RANBP17: variants seen among roughly 807,000 people sequenced by gnomAD.
The protein encoded by RANBP17 is RAN binding protein 17, also known as ran-binding protein 17.
In RANBP17, 158 loss-of-function variants were observed where a neutral mutation model predicts 141.2. The observed-to-expected ratio is 1.12, with a 90% CI of 0.98 to 1.28. RANBP17 has a LOEUF of 1.28. Among genes scored for constraint, RANBP17 ranks in the 50% most tolerant of loss-of-function variants. RANBP17 has a pLI of 0.00. For missense variants in RANBP17, 1,438 were observed against 1,290.7 expected, an observed-to-expected ratio of 1.11 and a Z score of -1.75; for synonymous variants, 430 against 450.0, an observed-to-expected ratio of 0.96 and a Z score of 0.56.
intron 12 of RANBP17, among the ~76,000 whole-genome samples, chr5:170,941,941 C>G (rs1391276011): frequency 6.6e-6 from 1 of 152,160 alleles, no homozygotes; most frequent in Non-Finnish European, 1.5e-5. Flanking sequence ...GGTCCCCAAA[C>G]CCCAGGCCAT....
At chr5:171,105,292 G>T (rs940951066) in intron 14 of RANBP17, among the ~76,000 whole-genome samples, 3 of 140,210 alleles carry the variant, frequency 2.1e-5, no homozygotes, top group Admixed American at 1.5e-4. Context: ...TGAGGCAGGA[G>T]AATGGCGTGA....
chr5:170,907,316 A>G (rs1034167212), intron 5 of RANBP17, among the ~76,000 whole-genome samples: 2 of 27,632 alleles, frequency 7.2e-5, no homozygotes, highest in Non-Finnish European at 3.0e-4. Context: ...CCTTCGTCTC[A>G]AAATATTGGA....
Position 171,170,203 on chromosome 5 carries a change from T to C in RANBP17, c.1784T>C (p.Ile595Thr). The C allele has an allele frequency of 6.5e-7, 1 of 1,538,968 alleles. No individual in the cohort carries two copies. Among genetic ancestry groups the C allele is most frequent in the Non-Finnish European group, 8.8e-7 (1 of 1,132,954 alleles). Residue 595 changes from isoleucine (I) to threonine (T), a missense_variant and splice_region_variant, in exon 15 of 28, where the codon ATT (isoleucine) becomes ACT (threonine). Physicochemically the swap from Ile to Thr is moderately conservative, Grantham distance 89 (BLOSUM62 -1). Transcript: ENST00000523189. ...GTTCTAGAGACGTTCATGACAAAAA[T>C]GTGAGTTCTTGTTTTGGTCTTTAAT... ...NHVLETFMTKIVTNLKYWGRY... is the reference protein window; with the variant it reads ...NHVLETFMTKTVTNLKYWGRY...
At chr5:170,873,500 A>G (rs909527944) in intron 1 of RANBP17, among the ~76,000 whole-genome samples, 8 of 151,988 alleles carry the variant, frequency 5.3e-5, no homozygotes, top group African/African-American at 1.9e-4. Context: ...TTGGTAGGCT[A>G]TTTTTTTACT....
At chr5:170,886,756 C>T (rs2127371576) in intron 3 of RANBP17, among the ~76,000 whole-genome samples, 1 of 146,998 alleles carries the variant, frequency 6.8e-6, no homozygotes, top group African/African-American at 2.5e-5. Flanking sequence ...CTCCCGGGCT[C>T]AAGTAGTGAT....
intron 14 of RANBP17, among the ~76,000 whole-genome samples, chr5:171,001,546 T>C (rs1779202224): frequency 6.6e-6 from 1 of 152,146 alleles, no homozygotes; most frequent in African/African-American, 2.4e-5. Context: ...ATGCAGGAGC[T>C]TAAATGGGCT....
At chr5:171,295,318 C>T (rs941630764) in intron 26 of RANBP17, among the ~76,000 whole-genome samples, 7 of 152,116 alleles carry the variant, frequency 4.6e-5, no homozygotes, top group African/African-American at 1.7e-4. Flanking sequence ...CTTAGTGCCA[C>T]AAAGCTCTCC....
At chr5:171,122,310 G>A (rs1756098518) in intron 14 of RANBP17, among the ~76,000 whole-genome samples, 1 of 152,104 alleles carries the variant, frequency 6.6e-6, no homozygotes, top group East Asian at 1.9e-4. Context: ...CGAGCATCAG[G>A]TGTCTCTAGT....
chr5:171,274,141 TGTGTGTGTGC>T (rs972519040), intron 25 of RANBP17, among the ~76,000 whole-genome samples: 66 of 130,764 alleles, frequency 5.0e-4, no homozygotes, highest in African/African-American at 1.4e-3. Flanking sequence ...TGTGTGTGTG[TGTGTGTGTGC>T]GCGCGCGCGC....
At chr5:171,265,629 T>C in intron 24 of RANBP17, 52 bp from the exon 25 acceptor site, 1 of 1,436,204 alleles carries the variant, frequency 7.0e-7, no homozygotes, top group Non-Finnish European at 9.4e-7. Flanking sequence ...GAAAATCAAA[T>C]GGAGCAAAAA....
intron 12 of RANBP17, among the ~76,000 whole-genome samples, chr5:170,949,051 A>G (rs1774997761): frequency 6.6e-6 from 1 of 152,084 alleles, no homozygotes; most frequent in Non-Finnish European, 1.5e-5. Flanking sequence ...GCTGTTCGGG[A>G]GGATCACTTT....
chr5:170,931,884 A>G (rs929626370), intron 12 of RANBP17, among the ~76,000 whole-genome samples: 13 of 152,202 alleles, frequency 8.5e-5, no homozygotes, highest in Non-Finnish European at 1.8e-4. Flanking sequence ...TGTCTTGGCA[A>G]TGCGGGCTCT....
intron 14 of RANBP17, among the ~76,000 whole-genome samples, chr5:171,053,518 T>A (rs1783105567): frequency 6.6e-6 from 1 of 152,174 alleles, no homozygotes. Context: ...TCCTTTTGGA[T>A]TGTTGATTGC....
At chr5:171,193,142 C>T (rs12513772) in intron 18 of RANBP17, among the ~76,000 whole-genome samples, 225 of 152,276 alleles carry the variant, frequency 1.5e-3, no homozygotes, top group Non-Finnish European at 2.7e-3. Flanking sequence ...TTTATCTCTC[C>T]TCTTAATTTT....
At chr5:171,084,245 AATG>A (rs1785474035) in intron 14 of RANBP17, among the ~76,000 whole-genome samples, 1 of 149,772 alleles carries the variant, frequency 6.7e-6, no homozygotes, top group Admixed American at 6.7e-5. Context: ...GTTTACTGAG[AATG>A]ATGATTTCCA....
chr5:171,057,040 T>C (rs899042139), intron 14 of RANBP17, among the ~76,000 whole-genome samples: 1 of 152,134 alleles, frequency 6.6e-6, no homozygotes, highest in Non-Finnish European at 1.5e-5. Context: ...CAAAACCCTA[T>C]AGACAAATCC....
chr5:170,995,621 T>C (rs1778768853), intron 14 of RANBP17, among the ~76,000 whole-genome samples: 1 of 152,136 alleles, frequency 6.6e-6, no homozygotes, highest in Non-Finnish European at 1.5e-5. Flanking sequence ...TGTACAGCCA[T>C]ATGATGAAAT....
chr5:171,021,559 C>G (rs10080139), intron 14 of RANBP17, among the ~76,000 whole-genome samples: 101,957 of 152,020 alleles, frequency 0.67, 34,456 homozygotes, highest in South Asian at 0.89. Flanking sequence ...CCACCTGATC[C>G]ATTCAGCTAT....
Position 171,295,889 on chromosome 5 carries a change from T to A in RANBP17, c.3045T>A (p.Tyr1015Ter), listed in dbSNP as rs749449634. The A allele has an allele frequency of 2.5e-6, 4 of 1,612,882 alleles. No homozygotes were observed. In the South Asian group the frequency reaches 4.4e-5, roughly 18 times the overall value. ...LLGLILLNEK[Y>*]FSELRASLIN... ...GACACTATTCTGTCTCCCATCAGTA[T>A]TTCAGTGAACTGAGAGCAAGTTTGA... The change falls in exon 27 of 28, where the codon TAT (tyrosine) becomes TAA (stop). Residue 1015 changes from tyrosine to a stop codon, truncating the protein, a stop_gained and splice_region_variant. Transcript: ENST00000523189. LOFTEE classifies it high-confidence loss of function.
Sources: gnomAD v4.1 joint callset for allele counts (sites outside exome capture counted in the v4.1 genomes callset) on GRCh38, gnomAD v4.1.1 for gene constraint, MANE v1.5 for transcripts, NCBI Gene and HGNC (gene_info 2026-07-23, HGNC 2026-07-21) for gene names.